NOL4: variants seen among roughly 807,000 people sequenced by gnomAD.
The protein encoded by NOL4 is nucleolar protein 4, also known as cancer/testis antigen 125.
NOL4 carries 17 observed loss-of-function variants against 75.9 expected under a neutral mutation model. The ratio of observed to expected loss-of-function variants is 0.22; its 90% CI spans 0.15 to 0.34. The LOEUF (loss-of-function observed/expected upper bound fraction) is 0.34. Ranked by LOEUF, NOL4 falls within the 10% of genes least tolerant of loss-of-function variation. The pLI is 1.00. For missense variants in NOL4, 614 were observed against 793.5 expected (o/e 0.77, Z 2.72); for synonymous variants, 292 against 289.9 (o/e 1.01, Z -0.07).
At chr18:34,175,660 CA>C (rs1259006155) in intron 1 of NOL4, among the ~76,000 whole-genome samples, 11 of 152,086 alleles carry the variant, frequency 7.2e-5, no homozygotes, top group Non-Finnish European at 1.5e-4. Context: ...ATGTAGACTA[CA>C]GACCCCATTG....
At chr18:34,035,175 C>G (rs1289695192) in intron 5 of NOL4, among the ~76,000 whole-genome samples, 1 of 152,136 alleles carries the variant, frequency 6.6e-6, no homozygotes, top group Non-Finnish European at 1.5e-5. Flanking sequence ...GTGTTCTCAT[C>G]AACACATAGA....
intron 9 of NOL4, among the ~76,000 whole-genome samples, chr18:33,931,344 T>G (rs2067677338): frequency 6.6e-6 from 1 of 152,094 alleles, no homozygotes; most frequent in South Asian, 2.1e-4. Flanking sequence ...TGACATTAAG[T>G]AGGTGGGGTG....
chr18:34,178,484 C>T (rs1314956722), intron 1 of NOL4, among the ~76,000 whole-genome samples: 8 of 151,282 alleles, frequency 5.3e-5, no homozygotes, highest in Non-Finnish European at 1.2e-4. Flanking sequence ...TATTCTGACA[C>T]AAAAATGTTG....
At chr18:34,181,101 A>G (rs2033995303) in intron 1 of NOL4, among the ~76,000 whole-genome samples, 1 of 151,508 alleles carries the variant, frequency 6.6e-6, no homozygotes, top group Non-Finnish European at 1.5e-5. Flanking sequence ...ATGGAAATGC[A>G]ATGAATCCAG....
At chr18:34,049,037 A>G (rs2076509432) in intron 5 of NOL4, among the ~76,000 whole-genome samples, 4 of 149,330 alleles carry the variant, frequency 2.7e-5, no homozygotes, top group Admixed American at 2.0e-4. Flanking sequence ...GTATATCATC[A>G]CCATTGTATC....
chr18:33,914,874 T>A (rs2066620872), intron 9 of NOL4, among the ~76,000 whole-genome samples: 1 of 152,076 alleles, frequency 6.6e-6, no homozygotes, highest in African/African-American at 2.4e-5. Flanking sequence ...AGTGGTTGGA[T>A]ATATGGATCT....
intron 5 of NOL4, among the ~76,000 whole-genome samples, chr18:34,090,995 G>C (rs1200249979): frequency 2.0e-5 from 3 of 152,032 alleles, no homozygotes; most frequent in Non-Finnish European, 4.4e-5. Context: ...GCAGTATTAA[G>C]AGGTATGGCC....
chr18:33,891,897 C>T (rs1308345070), intron 9 of NOL4, among the ~76,000 whole-genome samples: 1 of 152,058 alleles, frequency 6.6e-6, no homozygotes, highest in Non-Finnish European at 1.5e-5. Flanking sequence ...CATTTGTATT[C>T]AGACATGGAT....
chr18:34,166,110 A>C (rs1461546609), intron 1 of NOL4, among the ~76,000 whole-genome samples: 2 of 152,102 alleles, frequency 1.3e-5, no homozygotes, highest in Non-Finnish European at 2.9e-5. Context: ...ATGATATTAC[A>C]AGAAACTGTA....
chr18:34,126,639 T>C (rs1206164997), intron 2 of NOL4, among the ~76,000 whole-genome samples: 1 of 152,122 alleles, frequency 6.6e-6, no homozygotes, highest in Non-Finnish European at 1.5e-5. Context: ...TACCCTGTGA[T>C]ATAATACAAT....
chr18:34,198,312 A>G (rs2035482906), intron 1 of NOL4, among the ~76,000 whole-genome samples: 1 of 151,748 alleles, frequency 6.6e-6, no homozygotes, highest in South Asian at 2.1e-4. Context: ...TTGATTTCCA[A>G]TCCTCCTCAC....
intron 5 of NOL4, among the ~76,000 whole-genome samples, chr18:34,073,955 G>T (rs908340041): frequency 6.6e-6 from 1 of 151,902 alleles, no homozygotes. Context: ...AGGGGAGAAA[G>T]AATGGGTGAA....
At chr18:34,110,546 A>G (rs1301844782) in intron 2 of NOL4, among the ~76,000 whole-genome samples, 4 of 152,146 alleles carry the variant, frequency 2.6e-5, no homozygotes, top group Non-Finnish European at 5.9e-5. Context: ...ATATAATAAA[A>G]GCCATATGTA....
chr18:34,070,005 A>G (rs1234911038), intron 5 of NOL4, among the ~76,000 whole-genome samples: 3 of 152,218 alleles, frequency 2.0e-5, no homozygotes, highest in African/African-American at 7.2e-5. Flanking sequence ...GTCTTCAATT[A>G]GAGCATACCT....
chr18:33,885,650 T>C (rs1457488924), intron 9 of NOL4, among the ~76,000 whole-genome samples: 2 of 152,086 alleles, frequency 1.3e-5, no homozygotes, highest in Non-Finnish European at 2.9e-5. Context: ...AAATGACTTA[T>C]ATCAAAAAGA....
chr18:34,221,353 AATT>A (rs2037287971), intron 1 of NOL4: 1 of 152,192 alleles, frequency 6.6e-6, no homozygotes, highest in South Asian at 2.1e-4. Context: ...TCTAACAATA[AATT>A]ATTTTTCTAC....
intron 6 of NOL4, among the ~76,000 whole-genome samples, chr18:33,989,522 G>T (rs989631061): frequency 6.6e-6 from 1 of 152,030 alleles, no homozygotes; most frequent in African/African-American, 2.4e-5. Flanking sequence ...CCCAAATGAA[G>T]ATCTACTAAG....
At chr18:33,945,464 C>T (rs149095819) in intron 8 of NOL4, among the ~76,000 whole-genome samples, 247 of 151,820 alleles carry the variant, frequency 1.6e-3, no homozygotes, top group African/African-American at 5.6e-3. Flanking sequence ...TTTTTAAAAA[C>T]AACTTTTACT....
At chr18:34,169,458 G>T (rs2032793046) in intron 1 of NOL4, among the ~76,000 whole-genome samples, 1 of 143,344 alleles carries the variant, frequency 7.0e-6, no homozygotes, top group South Asian at 2.1e-4. Flanking sequence ...AACAGATTGG[G>T]CAAACAGGAA....
Sources: gnomAD v4.1 joint callset for allele counts (sites outside exome capture counted in the v4.1 genomes callset) on GRCh38, gnomAD v4.1.1 for gene constraint, MANE v1.5 for transcripts, NCBI Gene and HGNC (gene_info 2026-07-23, HGNC 2026-07-21) for gene names.